The following CDKL5 variants were observed in gnomAD, a reference collection of about 807,000 sequenced individuals.
The protein encoded by CDKL5 is cyclin dependent kinase like 5, also known as cyclin-dependent kinase-like 5.
A neutral mutation model predicts 61.7 loss-of-function variants in CDKL5; 8 were observed. The ratio of observed to expected loss-of-function variants is 0.13; its 90% CI spans 0.08 to 0.23. The LOEUF (loss-of-function observed/expected upper bound fraction) is 0.23. CDKL5 is among the 10% of genes least tolerant of loss of function. The pLI is 1.00. For synonymous variants in CDKL5, 275 were observed against 272.3 expected, an observed-to-expected ratio of 1.01 and a Z score of -0.10; for missense variants, 440 against 734.5, an observed-to-expected ratio of 0.60 and a Z score of 4.63.
intron 1 of CDKL5, among the ~76,000 whole-genome samples, chrX:18,492,731 A>G (rs749833120): frequency 1.8e-5 from 2 of 111,509 alleles, no homozygotes; most frequent in East Asian, 5.7e-4. Context: ...TCCTCCCCTT[A>G]TCTTTCACCT....
At chrX:18,533,548 A>G (rs188910034) in intron 3 of CDKL5, among the ~76,000 whole-genome samples, 263 of 112,289 alleles carry the variant, frequency 2.3e-3, no homozygotes, top group African/African-American at 7.7e-3. Context: ...TGTGCTAACA[A>G]TTCAACTGAA....
At chrX:18,624,989 T>G in intron 16 of CDKL5, 139 bp from the exon 17 acceptor site, 1 of 557,413 alleles carries the variant, frequency 1.8e-6, no homozygotes, top group Non-Finnish European at 3.1e-6. Flanking sequence ...TTGGGAGAGA[T>G]TGGGGTTCTA....
At chrX:18,542,281 A>G (rs1436940875) in intron 3 of CDKL5, among the ~76,000 whole-genome samples, 2 of 110,991 alleles carry the variant, frequency 1.8e-5, no homozygotes, top group African/African-American at 6.6e-5. Context: ...GTATCTTGTG[A>G]CCACTCCCCA....
intron 1 of CDKL5, among the ~76,000 whole-genome samples, chrX:18,496,875 G>A (rs893352909): frequency 9.9e-5 from 11 of 111,033 alleles, no homozygotes; most frequent in Non-Finnish European, 1.7e-4. Context: ...TCCAAAAAGA[G>A]GGAGTATAAC....
chrX:18,427,345 G>C, intron 1 of CDKL5, among the ~76,000 whole-genome samples: 1 of 102,738 alleles, frequency 9.7e-6, no homozygotes, highest in Admixed American at 1.1e-4. Context: ...AGGTGAGGGT[G>C]GTTGAGGGGG....
At chrX:18,512,831 T>A (rs1190188542) in intron 3 of CDKL5, among the ~76,000 whole-genome samples, 1 of 111,272 alleles carries the variant, frequency 9.0e-6, no homozygotes, top group Non-Finnish European at 1.9e-5. Context: ...TAAAAAAAAT[T>A]CCTGGGTGGA....
chrX:18,640,891 C>T (rs189004156), downstream of CDKL5: 79 of 112,990 alleles, frequency 7.0e-4, no homozygotes, highest in African/African-American at 2.5e-3. Context: ...AATGAGGCCT[C>T]CCAATCTAAG....
At chrX:18,446,227 G>A (rs1211117837) in intron 1 of CDKL5, among the ~76,000 whole-genome samples, 2 of 107,793 alleles carry the variant, frequency 1.9e-5, no homozygotes, top group Admixed American at 1.0e-4. Context: ...GATGGTGGGC[G>A]GGCACCTGTA....
At position 18,637,703 on chromosome X, in the gene CDKL5, T is replaced by TCA. The variant is rs957810025; in HGVS notation, c.*8949_*8950dup. On this transcript the variant is annotated 3_prime_UTR_variant, in exon 18 of 18. Transcript: ENST00000623535. ...TTTCCTTATCTTTAAATGGAGGTAA[T>TCA]CACAGTACCTACCTCAGTGTTGTTG... 1 of 111,776 alleles carries TCA rather than the reference T, an allele frequency of 8.9e-6. No homozygotes were observed. Among genetic ancestry groups the TCA allele is most frequent in the Non-Finnish European group, 1.9e-5 (1 of 53,218 alleles). The allele number at this position is 111,776 out of a possible 1,213,427, so 9.2% of individuals were successfully genotyped here.
Position 18,630,174 on chromosome X carries a change from T to C in CDKL5, c.*1417T>C. On this transcript the variant is annotated 3_prime_UTR_variant, in exon 18 of 18. Transcript: ENST00000623535. The stretch of plus-strand genomic sequence containing the variant: ...GGGCTGTCCACTTATGACAAGATTT[T>C]CATGCACACCTGTTACGCACACAAC... The C allele has an allele frequency of 1.3e-6, 1 of 753,890 alleles. No individual in the cohort carries two copies. Among genetic ancestry groups the C allele is most frequent in the Non-Finnish European group, 1.6e-6 (1 of 639,091 alleles). The allele number at this position is 753,890 out of a possible 1,213,427, so 62.1% of individuals were successfully genotyped here. A position where few individuals can be genotyped will look rare whatever the true frequency, so the allele number is the denominator to read the frequency against.
intron 3 of CDKL5, among the ~76,000 whole-genome samples, chrX:18,551,892 C>T (rs774962846): frequency 3.7e-5 from 4 of 109,041 alleles, no homozygotes; most frequent in East Asian, 2.9e-4. Context: ...CACACCCTTC[C>T]GAAACTTTCT....
chrX:18,466,287 G>T (rs1183377688), intron 1 of CDKL5, among the ~76,000 whole-genome samples: 2 of 111,858 alleles, frequency 1.8e-5, no homozygotes, highest in Admixed American at 1.9e-4. Flanking sequence ...AATCTCAAAG[G>T]TGCCTCAATC....
In CDKL5 at chrX:18,528,701, A is replaced by G. The variant is rs184551397; in HGVS notation, c.99+17847A>G. 4.4e-3 allele frequency among the ~76,000 whole-genome samples: 488 copies of G among 111,160 alleles called. 2 individuals are homozygous for G. Among genetic ancestry groups the G allele is most frequent in the Middle Eastern group, 0.042 (9 of 214 alleles). ...CAGCCTGGAATACAGTGGCACAATC[A>G]TGGTTCACTGCAGCCTCCGCCTCCT... On this transcript the variant is annotated intron_variant, in intron 3 of 17. Coordinates refer to ENST00000623535, the MANE Select transcript of CDKL5 (RefSeq NM_001323289.2).
intron 3 of CDKL5, 77 bp from the exon 4 acceptor site, chrX:18,564,400 A>G (rs1924895679): frequency 1.5e-6 from 1 of 659,289 alleles, no homozygotes; most frequent in Non-Finnish European, 2.5e-6. Context: ...GTCCCAGAAT[A>G]TACCCCCAGG....
intron 16 of CDKL5, among the ~76,000 whole-genome samples, chrX:18,620,403 G>A (rs980238002): frequency 8.9e-6 from 1 of 112,081 alleles, no homozygotes; most frequent in African/African-American, 3.2e-5. Flanking sequence ...GAATTCCTAC[G>A]TTGCCAGGTG....
rs920533671 is a variant in CDKL5 at position 18,638,646 on chromosome X, C to T, written c.*9889C>T. 3.6e-5 allele frequency among the ~76,000 whole-genome samples: 4 copies of T among 112,615 alleles called. No individual in the cohort carries two copies. Among genetic ancestry groups the T allele is most frequent in the African/African-American group, 1.3e-4 (4 of 30,989 alleles). On this transcript the variant is annotated 3_prime_UTR_variant, in exon 18 of 18. Coordinates refer to ENST00000623535, the MANE Select transcript of CDKL5 (RefSeq NM_001323289.2). ...AATGTCTTATGAATCGTATATCTTA[C>T]TGTTTATTAAATTCTGAAGTATTGA...
intron 3 of CDKL5, chrX:18,535,628 A>C (rs980801429): frequency 3.0e-5 from 4 of 131,965 alleles, no homozygotes; most frequent in Non-Finnish European, 4.8e-5. Context: ...TACACTTGCA[A>C]ACGAGATCTT....
chrX:18,516,229 G>T (rs1923011067), intron 3 of CDKL5, among the ~76,000 whole-genome samples: 1 of 109,635 alleles, frequency 9.1e-6, no homozygotes, highest in Non-Finnish European at 1.9e-5. Flanking sequence ...GACCTCAAGT[G>T]ATCAGCCTCC....
chrX:18,465,630 C>T (rs918378185), intron 1 of CDKL5, among the ~76,000 whole-genome samples: 11 of 111,566 alleles, frequency 9.9e-5, no homozygotes, highest in Admixed American at 2.9e-4. Flanking sequence ...GATTGTGCCA[C>T]TGCTCTCCAG....
Sources: allele counts gnomAD v4.1 joint callset (sites outside exome capture counted in the v4.1 genomes callset), GRCh38; gene constraint gnomAD v4.1.1; transcripts MANE v1.5; gene names NCBI Gene and HGNC (gene_info 2026-07-23, HGNC 2026-07-21).